The following PHACTR1 variants were observed in gnomAD, a reference collection of about 807,000 sequenced individuals.
PHACTR1 encodes the protein phosphatase and actin regulator 1, also known as RPEL repeat containing 1.
Under a neutral mutation model 69.2 loss-of-function variants are expected in PHACTR1, and 16 were observed. That is an observed-to-expected ratio of 0.23 (90% CI 0.16 to 0.35). The LOEUF (loss-of-function observed/expected upper bound fraction) is 0.35, where lower values mean the gene tolerates loss of function less well. Ranked by LOEUF, PHACTR1 falls within the 10% of genes least tolerant of loss-of-function variation. The pLI is 1.00. For synonymous variants in PHACTR1, 312 were observed against 284.5 expected (o/e 1.10, Z -0.97); for missense variants, 510 against 734.7 (o/e 0.69, Z 3.54).
intron 10 of PHACTR1, chr6:13,267,836 C>T: frequency 2.1e-5 from 1 of 48,338 alleles, no homozygotes. Context: ...CAGGAATGAT[C>T]TGAAAAAAAA....
At chr6:12,949,354 A>G (rs1022065456) in intron 4 of PHACTR1, among the ~76,000 whole-genome samples, 3 of 152,168 alleles carry the variant, frequency 2.0e-5, no homozygotes, top group Non-Finnish European at 4.4e-5. Context: ...CACAGTGGAG[A>G]TACAACCTAT....
intron 3 of PHACTR1, among the ~76,000 whole-genome samples, chr6:12,721,661 C>A (rs1315542151): frequency 2.6e-5 from 4 of 152,208 alleles, no homozygotes; most frequent in Non-Finnish European, 5.9e-5. Flanking sequence ...CCCCAGCACA[C>A]AGGACCTATC....
rs72835662 is a variant in PHACTR1 at position 12,763,454 on chromosome 6, T to C, written c.250+13664T>C. On this transcript the variant is annotated intron_variant, in intron 4 of 14. Transcript: ENST00000332995. Reference sequence around the variant, plus strand: ...AGCTACCTCATAAAGAAATATATCATCTATGGAGTCCTTTCATAAACCCAA... The same window carrying C: ...AGCTACCTCATAAAGAAATATATCACCTATGGAGTCCTTTCATAAACCCAA... Among the ~76,000 whole-genome samples, 1,463 of 152,298 alleles carry C rather than the reference T, an allele frequency of 9.6e-3. 9 individuals are homozygous for C. The highest frequency in any genetic ancestry group is 0.024 in the Middle Eastern group (7 of 294).
At chr6:13,229,736 C>A (rs1770500032) in intron 9 of PHACTR1, among the ~76,000 whole-genome samples, 1 of 152,208 alleles carries the variant, frequency 6.6e-6, no homozygotes, top group South Asian at 2.1e-4. Context: ...TCCCCCTTTG[C>A]AGTCCACTGC....
At chr6:12,886,809 G>T (rs1221706708) in intron 4 of PHACTR1, among the ~76,000 whole-genome samples, 2 of 151,954 alleles carry the variant, frequency 1.3e-5, no homozygotes, top group East Asian at 1.9e-4. Context: ...TTAATGATTA[G>T]GTGGCAGGTG....
At chr6:13,206,239 C>A in intron 8 of PHACTR1, 103 bp downstream of exon 8, 2 of 1,181,228 alleles carry the variant, frequency 1.7e-6, no homozygotes, top group Non-Finnish European at 2.3e-6. Context: ...AAGGGGTCAT[C>A]CCCACTGGGG....
At chr6:13,236,419 C>T (rs1047202075) in intron 10 of PHACTR1, among the ~76,000 whole-genome samples, 1 of 152,106 alleles carries the variant, frequency 6.6e-6, no homozygotes, top group African/African-American at 2.4e-5. Context: ...TGCATTGTCT[C>T]GGAGTTTTAG....
At chr6:12,746,811 A>G (rs1299180181) in intron 3 of PHACTR1, among the ~76,000 whole-genome samples, 4 of 152,194 alleles carry the variant, frequency 2.6e-5, no homozygotes, top group African/African-American at 9.7e-5. Context: ...AGATGACGTT[A>G]TCATTTTTCC....
At chr6:12,726,275 T>C (rs1762785104) in intron 3 of PHACTR1, among the ~76,000 whole-genome samples, 1 of 152,190 alleles carries the variant, frequency 6.6e-6, no homozygotes, top group Non-Finnish European at 1.5e-5. Flanking sequence ...TCTGGGATGA[T>C]GGAGTTTTCA....
chr6:12,965,235 A>G (rs1001626722), intron 4 of PHACTR1, among the ~76,000 whole-genome samples: 2 of 152,126 alleles, frequency 1.3e-5, no homozygotes, highest in Non-Finnish European at 2.9e-5. Context: ...TGTACAGTCA[A>G]TCCTCATTTT....
chr6:12,829,001 C>T (rs1002409837), intron 4 of PHACTR1, among the ~76,000 whole-genome samples: 1 of 152,044 alleles, frequency 6.6e-6, no homozygotes. Flanking sequence ...TGATGGGTAT[C>T]CTAGTTACCC....
At chr6:13,057,677 G>T (rs1469391737) in intron 5 of PHACTR1, among the ~76,000 whole-genome samples, 1 of 152,290 alleles carries the variant, frequency 6.6e-6, no homozygotes, top group Non-Finnish European at 1.5e-5. Context: ...TATACAAGGG[G>T]ACACTCAGAA....
rs61746695 is a variant in PHACTR1, at chr6:13,053,395, G to T, written c.281G>T (p.Arg94Leu). The T allele has an allele frequency of 1.2e-6, 2 of 1,612,694 alleles. No homozygotes were observed. The highest frequency in any genetic ancestry group is 1.1e-5 in the South Asian group (1 of 90,848). Residue 94 changes from arginine to leucine, a missense_variant, in exon 5 of 15, where the codon CGT becomes CTT. By Grantham distance (102) the Arg-to-Leu change is moderately radical. Transcript: ENST00000332995. ...GAAGTGGAGAGGCTGGCGGCGATGC[G>T]TTCTGACTCCCTCGTCCCAGGCACC... is the stretch of plus-strand genomic sequence containing the variant. ...AEEVERLAAMRSDSLVPGTHT... is the reference protein window; with the variant it reads ...AEEVERLAAMLSDSLVPGTHT...
intron 4 of PHACTR1, among the ~76,000 whole-genome samples, chr6:12,848,397 T>A (rs1779501702): frequency 6.6e-6 from 1 of 152,208 alleles, no homozygotes; most frequent in Admixed American, 6.5e-5. Context: ...ATTTTTCTTT[T>A]CTCCTACTAT....
At chr6:13,205,693 A>T in intron 7 of PHACTR1, 122 bp from the exon 8 acceptor site, 1 of 896,360 alleles carries the variant, frequency 1.1e-6, no homozygotes, top group Non-Finnish European at 1.7e-6. Flanking sequence ...CCTCCAACTG[A>T]CGCATTTTAC....
At chr6:13,233,136 C>A (rs1771484085) in intron 10 of PHACTR1, among the ~76,000 whole-genome samples, 1 of 152,216 alleles carries the variant, frequency 6.6e-6, no homozygotes, top group East Asian at 1.9e-4. Context: ...TGCCCCAGAG[C>A]ATACTCCTAA....
chr6:13,116,142 T>C (rs1243130513), intron 5 of PHACTR1, among the ~76,000 whole-genome samples: 2 of 152,194 alleles, frequency 1.3e-5, no homozygotes, highest in African/African-American at 4.8e-5. Context: ...ATGCAATCAT[T>C]ATGGCTCCAG....
At chr6:13,002,170 G>A (rs1798169654) in intron 4 of PHACTR1, among the ~76,000 whole-genome samples, 1 of 152,134 alleles carries the variant, frequency 6.6e-6, no homozygotes, top group South Asian at 2.1e-4. Context: ...GAGCACAGTG[G>A]CACATTGCTC....
intron 4 of PHACTR1, among the ~76,000 whole-genome samples, chr6:12,787,425 C>T (rs1356759193): frequency 6.6e-6 from 1 of 152,158 alleles, no homozygotes; most frequent in Non-Finnish European, 1.5e-5. Flanking sequence ...GTGTGAAAGG[C>T]GTAAGTCTCT....
Sources: gnomAD v4.1 joint callset for allele counts (sites outside exome capture counted in the v4.1 genomes callset) on GRCh38, gnomAD v4.1.1 for gene constraint, MANE v1.5 for transcripts, NCBI Gene and HGNC (gene_info 2026-07-23, HGNC 2026-07-21) for gene names.